Variants in TOP1 observed in about 807,000 individuals in gnomAD.
TOP1 encodes DNA topoisomerase I, also known as DNA topoisomerase 1.
Under a neutral mutation model 111.1 loss-of-function variants are expected in TOP1, and 10 were observed. The ratio of observed to expected loss-of-function variants is 0.09; its 90% confidence interval spans 0.06 to 0.15. The LOEUF (loss-of-function observed/expected upper bound fraction) is 0.15. Among genes scored for constraint, TOP1 ranks in the 10% least tolerant of loss-of-function variants. The pLI, the probability that TOP1 is intolerant of heterozygous loss-of-function variation, is 1.00. For synonymous variants in TOP1, 271 were observed against 302.9 expected, an observed-to-expected ratio of 0.89 and a Z score of 1.10; for missense variants, 474 against 926.7, an observed-to-expected ratio of 0.51 and a Z score of 6.34.
chr20:41,065,238 A>G (rs941515811), intron 3 of TOP1, among the ~76,000 whole-genome samples: 1 of 152,126 alleles, frequency 6.6e-6, no homozygotes, highest in Non-Finnish European at 1.5e-5. Context: ...CAGGCTTAGT[A>G]TGGTACCTGG....
chr20:41,065,593 C>G (rs1337292047), intron 3 of TOP1, among the ~76,000 whole-genome samples: 1 of 152,016 alleles, frequency 6.6e-6, no homozygotes, highest in African/African-American at 2.4e-5. Flanking sequence ...TTTTCTCTTT[C>G]CCTTCTACCT....
rs532774044 is a variant in TOP1 at position 41,029,167 on chromosome 20, G to GC, written c.33+71dup. 2.3e-5 allele frequency: 29 copies of GC among 1,259,470 alleles called. No homozygotes were observed. In the African/African-American group the frequency reaches 3.3e-4, roughly 14 times the overall value. 78.0% of individuals were successfully genotyped at this position (1,259,470 alleles called of 1,614,324 possible). Reference sequence around the variant, plus strand: ...GGCCGTCCCGCGACCCCCGGCGCAGGCCCCGACCCCAGCCCCGGCCCGGCA... The same window carrying GC: ...GGCCGTCCCGCGACCCCCGGCGCAGGCCCCCGACCCCAGCCCCGGCCCGGCA... On this transcript the variant is annotated intron_variant, in intron 1 of 20. Transcript: ENST00000361337. This position sits in a 1 kb window ranked among gnomAD's most constrained non-coding sequence, Gnocchi z 6.1.
At chr20:41,072,988 G>T (rs148968588) in intron 3 of TOP1, 5 of 985,392 alleles carry the variant, frequency 5.1e-6, no homozygotes, top group Non-Finnish European at 6.0e-6. Flanking sequence ...CTACAAAGGG[G>T]TTTACTACTC....
chr20:41,050,907 A>T (rs1600559875), intron 2 of TOP1, among the ~76,000 whole-genome samples: 1 of 150,082 alleles, frequency 6.7e-6, no homozygotes, highest in African/African-American at 2.4e-5. Context: ...TGATTTTTTT[A>T]AAACTTCTGC....
At chr20:41,081,918 G>GT (rs1291954083) in intron 7 of TOP1, among the ~76,000 whole-genome samples, 1 of 152,158 alleles carries the variant, frequency 6.6e-6, no homozygotes, top group Non-Finnish European at 1.5e-5. Context: ...AAAAAACTCA[G>GT]TTCCGTTTAA....
chr20:41,030,592 T>A lies in TOP1; in HGVS notation c.58+1137T>A, dbSNP rs2033107148. On this transcript the variant is annotated intron_variant, in intron 2 of 20. Transcript: ENST00000361337. The surrounding 1 kb of genome is among the most constrained non-coding windows in gnomAD (Gnocchi z 4.1). ...AGGGAAGAGTCCTCCAATAAAAAGC[T>A]CATCCTTGCAGGCTTTCGAACAACC... Among the ~76,000 whole-genome samples the A allele has an allele frequency of 6.6e-6, 1 of 152,114 alleles. No individual in the cohort carries two copies. Among genetic ancestry groups the A allele is most frequent in the African/African-American group, 2.4e-5 (1 of 41,420 alleles).
At position 41,028,872 on chromosome 20, in the gene TOP1, C is replaced by CT; in HGVS notation, c.-196_-195insT. The CT allele has an allele frequency of 1.8e-6, 1 of 561,148 alleles. No homozygotes were observed. The highest frequency in any genetic ancestry group is 2.1e-5 in the South Asian group (1 of 48,118). The allele number at this position is 561,148 out of a possible 1,614,324, so 34.8% of individuals were successfully genotyped here. On this transcript the variant is annotated 5_prime_UTR_variant, in exon 1 of 21. Transcript: ENST00000361337. The stretch of plus-strand genomic sequence containing the variant: ...AACTGCTGGGGTCTGTTCTCGCCGC[C>CT]CGCCCGGCAGTCAGGCAGCGTCGCC...
intron 2 of TOP1, among the ~76,000 whole-genome samples, chr20:41,035,628 ATTC>A (rs2122587013): frequency 6.6e-6 from 1 of 152,280 alleles, no homozygotes; most frequent in South Asian, 2.1e-4. Context: ...TGGTCCCATT[ATTC>A]TTTATATTGT....
rs142290162 is a variant in TOP1, at chr20:41,092,197, T to C, written c.615-275T>C. Among the ~76,000 whole-genome samples, 260 of 152,376 alleles carry C rather than the reference T, an allele frequency of 1.7e-3. No individual in the cohort carries two copies. The highest frequency in any genetic ancestry group is 6.1e-3 in the African/African-American group (253 of 41,588). ...TCAAGTCCCTCACTTGTTACTGAGC[T>C]CCTTCATTGTTGATCTCTTCTGTCC... On this transcript the variant is annotated intron_variant, in intron 8 of 20. Transcript: ENST00000361337. This position sits in a 1 kb window ranked among gnomAD's most constrained non-coding sequence, Gnocchi z 4.3.
intron 8 of TOP1, among the ~76,000 whole-genome samples, chr20:41,085,403 G>A (rs1444517350): frequency 1.3e-5 from 2 of 152,238 alleles, no homozygotes; most frequent in Non-Finnish European, 1.5e-5. Flanking sequence ...CAGTCTTTAT[G>A]AAGGACAGTT....
intron 3 of TOP1, among the ~76,000 whole-genome samples, chr20:41,075,125 G>A (rs1296703050): frequency 6.6e-6 from 1 of 151,912 alleles, no homozygotes; most frequent in Admixed American, 6.6e-5. Context: ...TTCTGTTGTT[G>A]TTGTTGTTGT....
At chr20:41,060,239 A>G (rs1455999428) in intron 2 of TOP1, among the ~76,000 whole-genome samples, 1 of 152,246 alleles carries the variant, frequency 6.6e-6, no homozygotes, top group East Asian at 1.9e-4. Context: ...ATAATAACCA[A>G]TGCCTGGAAA....
chr20:41,086,405 GGTT>G lies in TOP1; in HGVS notation c.614+1838_614+1840del, dbSNP rs778836166. 4.9e-4 allele frequency among the ~76,000 whole-genome samples: 74 copies of G among 152,192 alleles called. 1 individual carries two copies. Among genetic ancestry groups the G allele is most frequent in the Non-Finnish European group, 1.8e-4 (12 of 68,032 alleles). On this transcript the variant is annotated intron_variant, in intron 8 of 20. Transcript: ENST00000361337. ...AAATAAAGTGATTGTGTAAATTAGA[GGTT>G]ATTATTGGGAGTTAAGAGAATGGTA...
intron 3 of TOP1, among the ~76,000 whole-genome samples, chr20:41,064,340 C>G (rs1406136002): frequency 2.0e-5 from 3 of 152,102 alleles, no homozygotes; most frequent in Non-Finnish European, 4.4e-5. Context: ...AGAATACATT[C>G]TTTTTAAGTG....
rs750648152 is a variant in TOP1, at chr20:41,121,685, A to G, written c.1951-11A>G. ...TACAGCTCATAACCTTACCACTATT[A>G]TTTCCCCTAGATTGATGCCAAGAAG... On this transcript the variant is annotated splice_polypyrimidine_tract_variant and intron_variant, in intron 18 of 20. Transcript: ENST00000361337. This position sits in a 1 kb window ranked among gnomAD's most constrained non-coding sequence, Gnocchi z 4.2. 7 of 1,611,634 alleles carry G rather than the reference A, an allele frequency of 4.3e-6. No homozygotes were observed. Among genetic ancestry groups the G allele is most frequent in the Non-Finnish European group, 5.1e-6 (6 of 1,177,934 alleles).
At chr20:41,108,581 C>T (rs1183679789) in intron 13 of TOP1, among the ~76,000 whole-genome samples, 2 of 152,158 alleles carry the variant, frequency 1.3e-5, no homozygotes, top group Non-Finnish European at 2.9e-5. Context: ...TTGTCCTGAA[C>T]TCATTCATAT....
At chr20:41,039,099 G>A (rs924099714) in intron 2 of TOP1, among the ~76,000 whole-genome samples, 1 of 152,106 alleles carries the variant, frequency 6.6e-6, no homozygotes, top group Non-Finnish European at 1.5e-5. Context: ...AAATTTTCAC[G>A]TTTAATTGTA....
At position 41,078,690 on chromosome 20, in the gene TOP1, A is replaced by T. The variant is rs2033756178; in HGVS notation, c.335+1053A>T. On this transcript the variant is annotated intron_variant, in intron 5 of 20. Coordinates refer to ENST00000361337, the MANE Select transcript of TOP1 (RefSeq NM_003286.4). This position sits in a 1 kb window ranked among gnomAD's most constrained non-coding sequence, Gnocchi z 5.3. ...CAAGAGACTGCCTTGGATTTTTATT[A>T]AACTGATATGAATAAATTTTTTGGA... is the stretch of plus-strand genomic sequence containing the variant. 6.6e-6 allele frequency among the ~76,000 whole-genome samples: 1 copy of T among 152,202 alleles called. No homozygotes were observed. The highest frequency in any genetic ancestry group is 1.5e-5 in the Non-Finnish European group (1 of 68,038).
rs1472076792 is a variant in TOP1, at chr20:41,098,003, T to G, written c.853-212T>G. Among the ~76,000 whole-genome samples the G allele has an allele frequency of 1.3e-5, 2 of 152,240 alleles. No homozygotes were observed. Among genetic ancestry groups the G allele is most frequent in the Non-Finnish European group, 2.9e-5 (2 of 68,042 alleles). On this transcript the variant is annotated intron_variant, in intron 10 of 20. Coordinates refer to ENST00000361337, the MANE Select transcript of TOP1 (RefSeq NM_003286.4). This position sits in a 1 kb window ranked among gnomAD's most constrained non-coding sequence, Gnocchi z 5.7. ...TCATTTTTTTCCATGATAAGTCATT[T>G]TAAAACATTTTAATATTAGTAAGTA... is the stretch of plus-strand genomic sequence containing the variant.
Sources: gnomAD v4.1 joint callset for allele counts (sites outside exome capture counted in the v4.1 genomes callset) on GRCh38, gnomAD v4.1.1 for gene constraint, Gnocchi (gnomAD v3.1) non-coding constraint, MANE v1.5 for transcripts, NCBI Gene and HGNC (gene_info 2026-07-23, HGNC 2026-07-21) for gene names.